The following CYP2J2 variants were observed in gnomAD, a reference collection of about 807,000 sequenced individuals.
CYP2J2 encodes cytochrome P450 family 2 subfamily J member 2.
CYP2J2 carries 41 observed loss-of-function variants against 48.8 expected under a neutral mutation model. That is an observed-to-expected ratio of 0.84 (90% CI 0.66 to 1.09). The LOEUF is 1.09. Among genes scored for constraint, CYP2J2 ranks in the 50% least tolerant of loss-of-function variants. The pLI is 0.00. For missense variants in CYP2J2, 644 were observed against 617.3 expected, an observed-to-expected ratio of 1.04 and a Z score of -0.46; for synonymous variants, 221 against 227.1, an observed-to-expected ratio of 0.97 and a Z score of 0.24.
intron 1 of CYP2J2, among the ~76,000 whole-genome samples, chr1:59,922,638 C>T (rs1184520482): frequency 2.0e-5 from 3 of 152,066 alleles, no homozygotes; most frequent in African/African-American, 4.8e-5. Flanking sequence ...CTTAGGAATA[C>T]AACAAAGGTG....
chr1:59,957,681 GACACACACACACACACACACACC>G, the CYP2J2 span, among the ~76,000 whole-genome samples: 1 of 137,332 alleles, frequency 7.3e-6, no homozygotes, highest in East Asian at 2.2e-4. Flanking sequence ...CAGACACACA[GACACACACACACACACACACACC>G]ACACACACAC....
intron 1 of CYP2J2, among the ~76,000 whole-genome samples, chr1:59,925,191 A>G (rs1243705606): frequency 6.6e-6 from 1 of 152,184 alleles, no homozygotes. Context: ...GATACTCTCA[A>G]CTGTCCTTTG....
intron 1 of CYP2J2, among the ~76,000 whole-genome samples, chr1:59,922,895 G>C (rs1410192220): frequency 6.6e-6 from 1 of 152,102 alleles, no homozygotes; most frequent in African/African-American, 2.4e-5. Flanking sequence ...TATAGCACTG[G>C]AGTACATGGA....
At chr1:59,919,625 A>C (rs1644496500) in intron 1 of CYP2J2, among the ~76,000 whole-genome samples, 1 of 152,272 alleles carries the variant, frequency 6.6e-6, no homozygotes, top group Non-Finnish European at 1.5e-5. Context: ...GCTTTAAAAC[A>C]GTGGTTCTTT....
intron 5 of CYP2J2, 85 bp downstream of exon 5, chr1:59,909,699 T>C (rs1179906465): frequency 1.0e-6 from 1 of 985,798 alleles, no homozygotes; most frequent in East Asian, 2.6e-5. Context: ...AAGTTTGTGA[T>C]CATATTTTAC....
intron 7 of CYP2J2, among the ~76,000 whole-genome samples, chr1:59,901,629 C>T (rs1644320629): frequency 6.6e-6 from 1 of 152,154 alleles, no homozygotes; most frequent in Admixed American, 6.5e-5. Flanking sequence ...GCAAGGAGCC[C>T]CTGTCCATCC....
chr1:59,952,814 A>G, the CYP2J2 span, among the ~76,000 whole-genome samples: 1 of 152,224 alleles, frequency 6.6e-6, no homozygotes, highest in African/African-American at 2.4e-5. Context: ...CTGGAGATAT[A>G]GCAGCCAGCA....
chr1:59,907,996 G>C, intron 5 of CYP2J2, 69 bp from the exon 6 acceptor site: 1 of 1,487,214 alleles, frequency 6.7e-7, no homozygotes, highest in Non-Finnish European at 9.3e-7. Context: ...GTAACACAAA[G>C]GGGCTTCATC....
the CYP2J2 span, among the ~76,000 whole-genome samples, chr1:59,958,925 A>G: frequency 6.6e-6 from 1 of 152,142 alleles, no homozygotes; most frequent in African/African-American, 2.4e-5. Flanking sequence ...GATTGCCTCA[A>G]TACTTTATGC....
At chr1:59,923,119 C>T (rs926671952) in intron 1 of CYP2J2, among the ~76,000 whole-genome samples, 11 of 152,308 alleles carry the variant, frequency 7.2e-5, no homozygotes, top group African/African-American at 2.4e-4. Context: ...GACTCTCTTC[C>T]CTCCGTAGTA....
chr1:59,930,691 A>T (rs919847737), upstream of CYP2J2, among the ~76,000 whole-genome samples: 1 of 152,092 alleles, frequency 6.6e-6, no homozygotes, highest in Non-Finnish European at 1.5e-5. Context: ...CCTAAAAAAA[A>T]GTGTCAGCCA....
chr1:59,947,963 G>T, the CYP2J2 span, among the ~76,000 whole-genome samples: 1 of 152,050 alleles, frequency 6.6e-6, no homozygotes, highest in Non-Finnish European at 1.5e-5. Context: ...GAGTCATTTT[G>T]GGAAGAATGC....
At chr1:59,952,621 A>G in the CYP2J2 span, among the ~76,000 whole-genome samples, 1 of 152,212 alleles carries the variant, frequency 6.6e-6, no homozygotes, top group East Asian at 1.9e-4. Context: ...GACAAGGACA[A>G]CTCCAGAATA....
the CYP2J2 span, among the ~76,000 whole-genome samples, chr1:59,958,172 T>C: frequency 1.3e-5 from 2 of 152,314 alleles, no homozygotes; most frequent in African/African-American, 2.4e-5. Context: ...TCTGCTTTAC[T>C]ACTCTGAACA....
chr1:59,941,096 T>G, the CYP2J2 span, among the ~76,000 whole-genome samples: 1 of 152,226 alleles, frequency 6.6e-6, no homozygotes, highest in Non-Finnish European at 1.5e-5. Context: ...AAGGTAACTA[T>G]AGTTAACAAC....
At chr1:59,937,590 G>A in the CYP2J2 span, among the ~76,000 whole-genome samples, 1 of 152,068 alleles carries the variant, frequency 6.6e-6, no homozygotes. Flanking sequence ...TAACCTTCTT[G>A]GATATTGATC....
At chr1:59,949,769 AT>A in the CYP2J2 span, among the ~76,000 whole-genome samples, 1 of 139,490 alleles carries the variant, frequency 7.2e-6, no homozygotes, top group African/African-American at 2.7e-5. Flanking sequence ...GCAGATATTT[AT>A]TTTTCCCTTC....
chr1:59,955,280 ATATATATATAT>A, the CYP2J2 span, among the ~76,000 whole-genome samples: 1 of 90,170 alleles, frequency 1.1e-5, no homozygotes, highest in Non-Finnish European at 2.1e-5. Context: ...ATATATATCC[ATATATATATAT>A]CCATATATAT....
intron 1 of CYP2J2, among the ~76,000 whole-genome samples, chr1:59,921,236 A>G (rs972940545): frequency 1.3e-5 from 2 of 152,256 alleles, no homozygotes; most frequent in African/African-American, 4.8e-5. Flanking sequence ...AACATAAAGT[A>G]GATAATGGGT....
Sources: gnomAD v4.1 joint callset for allele counts (sites outside exome capture counted in the v4.1 genomes callset) on GRCh38, gnomAD v4.1.1 for gene constraint, MANE v1.5 for transcripts, NCBI Gene and HGNC (gene_info 2026-07-23, HGNC 2026-07-21) for gene names.